Variants in NUP98 observed in about 807,000 individuals in gnomAD.
NUP98 encodes the protein nuclear pore complex protein Nup98-Nup96.
NUP98 carries 26 observed loss-of-function variants against 191.9 expected under a neutral mutation model. The ratio of observed to expected loss-of-function variants is 0.14; its 90% CI spans 0.10 to 0.19. The LOEUF (loss-of-function observed/expected upper bound fraction) is 0.19, where lower values mean the gene tolerates loss of function less well. Ranked by LOEUF, NUP98 falls within the 10% of genes least tolerant of loss-of-function variation. NUP98 has a pLI of 1.00. For missense variants in NUP98, 1,941 were observed against 2,178.8 expected (o/e 0.89, Z 2.17); for synonymous variants, 808 against 778.4 (o/e 1.04, Z -0.63).
chr11:3,678,347 A>G (rs777037718), intron 31 of NUP98, among the ~76,000 whole-genome samples: 3 of 152,216 alleles, frequency 2.0e-5, no homozygotes, highest in Non-Finnish European at 2.9e-5. Context: ...AATTGAATCT[A>G]TAAGTCTGCT....
chr11:3,690,457 T>A (rs1054754565), intron 28 of NUP98, among the ~76,000 whole-genome samples: 1 of 151,560 alleles, frequency 6.6e-6, no homozygotes, highest in Non-Finnish European at 1.5e-5. Flanking sequence ...AGACAGGGTT[T>A]CACTGTGTTA....
chr11:3,709,314 G>T (rs1243516475), intron 20 of NUP98, among the ~76,000 whole-genome samples: 1 of 152,006 alleles, frequency 6.6e-6, no homozygotes, highest in East Asian at 1.9e-4. Flanking sequence ...AGGCTGAGGC[G>T]GATCACTTGA....
rs533854133 is a variant in NUP98, at chr11:3,719,163, A to G, written c.2399+249T>C. Among the ~76,000 whole-genome samples, 143 of 152,230 alleles carry G rather than the reference A, an allele frequency of 9.4e-4. 1 individual carries two copies. The highest frequency in any genetic ancestry group is 1.7e-3 in the Non-Finnish European group (118 of 68,010). On this transcript the variant is annotated intron_variant, in intron 18 of 32. Coordinates refer to ENST00000324932, the MANE Select transcript of NUP98 (RefSeq NM_016320.5). ...ATAGTAAAATGAAATGAAATGAAAT[A>G]AAATAGAATAGAATCGAATCCAAGG...
chr11:3,683,061 A>C (rs1331114082), intron 30 of NUP98, 139 bp downstream of exon 30: 2 of 1,253,632 alleles, frequency 1.6e-6, no homozygotes, highest in Non-Finnish European at 2.2e-6. Context: ...TCTTCTGCAG[A>C]GAGCTTTTGC....
chr11:3,759,848 T>A (rs2081105004), intron 10 of NUP98, among the ~76,000 whole-genome samples: 1 of 151,868 alleles, frequency 6.6e-6, no homozygotes, highest in South Asian at 2.1e-4. Context: ...TATTTTATTA[T>A]TTTTTTTAGA....
At chr11:3,791,482 T>G (rs4910799) in intron 1 of NUP98, among the ~76,000 whole-genome samples, 1 of 134,872 alleles carries the variant, frequency 7.4e-6, no homozygotes, top group Non-Finnish European at 1.5e-5. Flanking sequence ...TGCAGTGAGT[T>G]GAGATCCCAC....
intron 30 of NUP98, 69 bp downstream of exon 30, chr11:3,683,131 C>A: frequency 1.3e-6 from 2 of 1,592,130 alleles, no homozygotes; most frequent in East Asian, 2.2e-5. Context: ...CCAGTCTGAC[C>A]CCATCATGGA....
At chr11:3,746,850 T>C (rs1589865400) in intron 11 of NUP98, among the ~76,000 whole-genome samples, 1 of 150,976 alleles carries the variant, frequency 6.6e-6, no homozygotes, top group Admixed American at 6.6e-5. Flanking sequence ...GAGGCGGAGG[T>C]TGCAGTGAGC....
intron 9 of NUP98, among the ~76,000 whole-genome samples, chr11:3,761,179 C>T (rs572584404): frequency 1.4e-4 from 21 of 152,298 alleles, no homozygotes; most frequent in African/African-American, 4.6e-4. Context: ...CTGCCAATGA[C>T]TATGGCATTT....
At chr11:3,726,620 T>A (rs968897115) in intron 14 of NUP98, among the ~76,000 whole-genome samples, 1 of 150,444 alleles carries the variant, frequency 6.6e-6, no homozygotes, top group Non-Finnish European at 1.5e-5. Flanking sequence ...TACAAAAATA[T>A]AACATCAAAA....
chr11:3,679,461 T>C (rs1564797858), intron 31 of NUP98, 93 bp downstream of exon 31: 8 of 1,391,308 alleles, frequency 5.7e-6, no homozygotes, highest in Non-Finnish European at 8.2e-6. Context: ...TGTCAGTGCA[T>C]TCTCAAGTGT....
intron 14 of NUP98, among the ~76,000 whole-genome samples, chr11:3,725,764 T>A (rs549040710): frequency 6.6e-6 from 1 of 152,340 alleles, no homozygotes. Flanking sequence ...AAAATCCTGT[T>A]ATCAAATAAT....
At chr11:3,726,018 G>A (rs1471170751) in intron 14 of NUP98, among the ~76,000 whole-genome samples, 2 of 152,130 alleles carry the variant, frequency 1.3e-5, no homozygotes, top group Non-Finnish European at 2.9e-5. Flanking sequence ...TCGCCAGGTT[G>A]CCCAGGCTGG....
rs112864245 is a variant in NUP98, at chr11:3,775,779, G to A, written c.495+103C>T. Reference sequence around the variant, plus strand: ...TTGTTTTTAACACATCGTTCAGGCAGTGTCAAGCTAAGCTGGAAAGAGAAG... The same window carrying A: ...TTGTTTTTAACACATCGTTCAGGCAATGTCAAGCTAAGCTGGAAAGAGAAG... On this transcript the variant is annotated intron_variant, in intron 5 of 32. Transcript: ENST00000324932. 5.7e-5 allele frequency: 61 copies of A among 1,076,900 alleles called. 1 individual carries two copies. In the African/African-American group the frequency reaches 6.8e-4, roughly 12 times the overall value. The allele number at this position is 1,076,900 out of a possible 1,614,324, so 66.7% of individuals were successfully genotyped here.
intron 30 of NUP98, among the ~76,000 whole-genome samples, chr11:3,682,048 A>G (rs2077999195): frequency 6.6e-6 from 1 of 152,172 alleles, no homozygotes; most frequent in Non-Finnish European, 1.5e-5. Flanking sequence ...AATGGAATGG[A>G]AAGACAGCTT....
intron 29 of NUP98, among the ~76,000 whole-genome samples, chr11:3,683,758 G>C (rs1383909116): frequency 6.6e-6 from 1 of 151,790 alleles, no homozygotes; most frequent in Non-Finnish European, 1.5e-5. Flanking sequence ...GGCTGGTCTG[G>C]AACTCCCAAC....
chr11:3,687,597 A>G (rs1348293000), intron 28 of NUP98, among the ~76,000 whole-genome samples: 1 of 152,234 alleles, frequency 6.6e-6, no homozygotes, highest in Non-Finnish European at 1.5e-5. Flanking sequence ...TGGTTCTTTG[A>G]AAAGGTCAAT....
intron 20 of NUP98, among the ~76,000 whole-genome samples, chr11:3,710,864 AAT>A (rs1329461567): frequency 2.0e-5 from 3 of 152,190 alleles, no homozygotes; most frequent in Non-Finnish European, 4.4e-5. Flanking sequence ...TGGACATTTA[AAT>A]ACCTCTATCC....
At chr11:3,779,110 A>G in intron 3 of NUP98, 46 bp downstream of exon 3, 1 of 1,612,666 alleles carries the variant, frequency 6.2e-7, no homozygotes, top group Non-Finnish European at 8.5e-7. Flanking sequence ...GTCAATTCCT[A>G]TACTAGCTAC....
Sources: gnomAD v4.1 joint callset for allele counts (sites outside exome capture counted in the v4.1 genomes callset) on GRCh38, gnomAD v4.1.1 for gene constraint, MANE v1.5 for transcripts, NCBI Gene and HGNC (gene_info 2026-07-23, HGNC 2026-07-21) for gene names.